The following MCUB variants were observed in gnomAD, a reference collection of about 807,000 sequenced individuals.
The protein encoded by MCUB is mitochondrial calcium uniporter dominant negative subunit beta, also known as calcium uniporter regulatory subunit MCUb, mitochondrial.
In MCUB, 46 loss-of-function variants were observed where a neutral mutation model predicts 41.4. That is an observed-to-expected ratio of 1.11 (90% CI 0.88 to 1.42). The LOEUF is 1.42. Ranked by LOEUF, MCUB falls within the 40% of genes most tolerant of loss-of-function variation. MCUB has a pLI of 0.00. For synonymous variants in MCUB, 148 were observed against 148.2 expected, an observed-to-expected ratio of 1.00 and a Z score of 0.01; for missense variants, 403 against 404.9, an observed-to-expected ratio of 1.00 and a Z score of 0.04.
At position 109,685,234 on chromosome 4, in the gene MCUB, C is replaced by T; in HGVS notation, c.817-17C>T. On this transcript the variant is annotated splice_polypyrimidine_tract_variant and intron_variant, in intron 6 of 7. Transcript: ENST00000394650. ...TTCAAAACATGTTGTTTTCTTCTCT[C>T]TCTCTTTTTTTTTAAGGATTATACT... is the stretch of plus-strand genomic sequence containing the variant. 1.1e-6 allele frequency: 1 copy of T among 935,888 alleles called. No homozygotes were observed. 58.0% of individuals were successfully genotyped at this position (935,888 alleles called of 1,614,324 possible).
intron 1 of MCUB, among the ~76,000 whole-genome samples, chr4:109,630,326 G>A (rs369667318): frequency 1.3e-5 from 2 of 152,166 alleles, no homozygotes; most frequent in Admixed American, 6.5e-5. Flanking sequence ...GCCAGATTTC[G>A]TGGTGCAAGC....
rs116989570 is a variant in MCUB, at chr4:109,641,044, T to C, written c.100-17967T>C. On this transcript the variant is annotated intron_variant, in intron 1 of 7. Coordinates refer to ENST00000394650, the MANE Select transcript of MCUB (RefSeq NM_017918.5). ...TAATATCAATATTGTCCTTAGGGAA[T>C]AGGGAGGCCCCAGGAGAGGGAGATG... Among the ~76,000 whole-genome samples, 555 of 152,238 alleles carry C rather than the reference T, an allele frequency of 3.6e-3. 7 individuals are homozygous for C. The highest frequency in any genetic ancestry group is 0.013 in the East Asian group (66 of 5,172).
intron 1 of MCUB, among the ~76,000 whole-genome samples, chr4:109,597,102 A>G (rs1387506118): frequency 6.6e-6 from 1 of 151,528 alleles, no homozygotes; most frequent in Non-Finnish European, 1.5e-5. Flanking sequence ...CTTAGTACAG[A>G]ACAAAATGAA....
intron 1 of MCUB, among the ~76,000 whole-genome samples, chr4:109,613,660 C>A (rs182813691): frequency 1.2e-3 from 188 of 152,234 alleles, no homozygotes; most frequent in African/African-American, 4.1e-3. Flanking sequence ...TTTTTCCATA[C>A]CATTTAATAG....
chr4:109,675,940 A>G (rs1729564861), intron 4 of MCUB, among the ~76,000 whole-genome samples: 1 of 152,212 alleles, frequency 6.6e-6, no homozygotes, highest in South Asian at 2.1e-4. Context: ...GAGGAAATAA[A>G]ATGTTGTTCT....
chr4:109,573,502 G>C (rs1288402282), intron 1 of MCUB, among the ~76,000 whole-genome samples: 1 of 151,924 alleles, frequency 6.6e-6, no homozygotes, highest in Non-Finnish European at 1.5e-5. Context: ...ATTTAGCAAT[G>C]CTAGGAAAAG....
chr4:109,593,868 A>G (rs962768621), intron 1 of MCUB, among the ~76,000 whole-genome samples: 2 of 152,238 alleles, frequency 1.3e-5, no homozygotes, highest in African/African-American at 4.8e-5. Context: ...CCCAGGCATC[A>G]TATCATAGAT....
intron 1 of MCUB, among the ~76,000 whole-genome samples, chr4:109,575,356 C>A (rs1727002672): frequency 6.6e-6 from 1 of 152,158 alleles, no homozygotes; most frequent in African/African-American, 2.4e-5. Context: ...ATTAATCTTT[C>A]TGTAAAAGGT....
chr4:109,581,998 A>T (rs1727188799), intron 1 of MCUB, among the ~76,000 whole-genome samples: 2 of 152,188 alleles, frequency 1.3e-5, no homozygotes, highest in Non-Finnish European at 2.9e-5. Context: ...AGAACTAGAA[A>T]TACCATTTGA....
intron 1 of MCUB, among the ~76,000 whole-genome samples, chr4:109,569,754 C>T (rs186508987): frequency 7.2e-5 from 11 of 152,106 alleles, no homozygotes; most frequent in African/African-American, 2.4e-4. Flanking sequence ...TGGCCTGCCT[C>T]GGCCTCCCAA....
rs140615234 is a variant in MCUB at position 109,616,620 on chromosome 4, A to T, written c.100-42391A>T. On this transcript the variant is annotated intron_variant, in intron 1 of 7. Transcript: ENST00000394650. ...TCTTGGATTTTCTTGAGAGAGTTGC[A>T]TACGTAGGTCTTTCTTTTAAGAAAT... is the stretch of plus-strand genomic sequence containing the variant. 5.5e-3 allele frequency among the ~76,000 whole-genome samples: 845 copies of T among 152,290 alleles called. 25 individuals carry two copies. The East Asian group carries it at 0.065, about 12-fold the overall frequency.
intron 1 of MCUB, among the ~76,000 whole-genome samples, chr4:109,640,157 C>T (rs1479504204): frequency 6.6e-6 from 1 of 152,168 alleles, no homozygotes; most frequent in Non-Finnish European, 1.5e-5. Context: ...TTACAAAGTA[C>T]CTTCTTAAGG....
At chr4:109,661,660 G>T (rs190647240) in intron 3 of MCUB, among the ~76,000 whole-genome samples, 1 of 152,256 alleles carries the variant, frequency 6.6e-6, no homozygotes, top group East Asian at 1.9e-4. Context: ...TGGAAGATGT[G>T]TGTGGGCAGG....
chr4:109,588,206 T>C (rs866773041), intron 1 of MCUB, among the ~76,000 whole-genome samples: 3 of 152,368 alleles, frequency 2.0e-5, no homozygotes, highest in South Asian at 4.1e-4. Flanking sequence ...CTGACAAGAA[T>C]ATATCTTTAA....
Position 109,682,708 on chromosome 4 carries a change from A to G in MCUB, c.578A>G (p.Asp193Gly), listed in dbSNP as rs1341458407. 1.2e-6 allele frequency: 2 copies of G among 1,613,822 alleles called. No individual in the cohort carries two copies. The highest frequency in any genetic ancestry group is 1.7e-6 in the Non-Finnish European group (2 of 1,179,818). Reference protein sequence around the residue: ...KREHHLLEKIDHLKEQLQPLE... With the variant: ...KREHHLLEKIGHLKEQLQPLE... ...GAGCACCATTTACTGGAGAAAATTG[A>G]CCACCTGAAGGAACAGCTGCAGCCC... The change falls in exon 5 of 8, where the codon GAC (aspartate) becomes GGC (glycine). Residue 193 changes from aspartate (D) to glycine (G), a missense_variant. By Grantham distance (94) the Asp-to-Gly change is moderately conservative. Transcript: ENST00000394650.
At position 109,682,261 on chromosome 4, in the gene MCUB, C is replaced by T. The variant is rs146254046; in HGVS notation, c.452-321C>T. Among the ~76,000 whole-genome samples the T allele has an allele frequency of 3.7e-3, 568 of 151,836 alleles. 16 individuals are homozygous for T. In the South Asian group the frequency reaches 0.06, roughly 16 times the overall value. On this transcript the variant is annotated intron_variant, in intron 4 of 7. Transcript: ENST00000394650. ...AGAGGCCAGAGAGCCTTTCTTGTAG[C>T]TGCTTATGCTCAATTGCCTTCAGCT...
At chr4:109,560,648 G>T (rs999071358) in intron 1 of MCUB, among the ~76,000 whole-genome samples, 1 of 152,190 alleles carries the variant, frequency 6.6e-6, no homozygotes, top group Non-Finnish European at 1.5e-5. Context: ...CTCCGGGCCC[G>T]GGGAAGGTGA....
At chr4:109,634,942 C>G (rs922112048) in intron 1 of MCUB, among the ~76,000 whole-genome samples, 2 of 152,126 alleles carry the variant, frequency 1.3e-5, no homozygotes, top group African/African-American at 2.4e-5. Context: ...TCCTAATGCT[C>G]TCTCCCCTAG....
At chr4:109,645,293 T>C (rs1663241949) in intron 1 of MCUB, among the ~76,000 whole-genome samples, 1 of 151,972 alleles carries the variant, frequency 6.6e-6, no homozygotes, top group African/African-American at 2.4e-5. Context: ...CTACTGGTTG[T>C]ACTTCATACA....
Sources: allele counts gnomAD v4.1 joint callset (sites outside exome capture counted in the v4.1 genomes callset), GRCh38; gene constraint gnomAD v4.1.1; transcripts MANE v1.5; gene names NCBI Gene and HGNC (gene_info 2026-07-23, HGNC 2026-07-21).